ZEB2: variants seen among roughly 807,000 people sequenced by gnomAD.
ZEB2 encodes the protein zinc finger E-box-binding homeobox 2.
Under a neutral mutation model 99.9 loss-of-function variants are expected in ZEB2, and 6 were observed. The observed-to-expected ratio is 0.06, with a 90% CI of 0.03 to 0.12. The LOEUF (loss-of-function observed/expected upper bound fraction) is 0.12, where lower values mean the gene tolerates loss of function less well. ZEB2 is among the 10% of genes least tolerant of loss of function. The pLI, the probability that ZEB2 is intolerant of heterozygous loss-of-function variation, is 1.00. For missense variants in ZEB2, 969 were observed against 1,502.8 expected, an observed-to-expected ratio of 0.64 and a Z score of 5.87; for synonymous variants, 517 against 542.5, an observed-to-expected ratio of 0.95 and a Z score of 0.65.
rs755817856 is a variant in ZEB2, at chr2:144,405,020, C to G, written c.408G>C (p.Lys136Asn). ...CAAAATCTGATGTGCAATTTGCATT[C>G]TTCACTGAAATCATAAAAGGAGAAG... is the stretch of plus-strand genomic sequence containing the variant. ...IQTAINNGTV[K>N]NANCTSDFEE... The change falls in exon 5 of 10, where the codon AAG becomes AAC. Residue 136 changes from lysine (K) to asparagine (N), a missense_variant. This residue lies in a region of ZEB2 where 173 missense variants were observed against 217.7 expected (regional missense o/e 0.79). Transcript: ENST00000627532. 3 of 1,613,672 alleles carry G rather than the reference C, an allele frequency of 1.9e-6. No individual in the cohort carries two copies. The highest frequency in any genetic ancestry group is 2.5e-6 in the Non-Finnish European group (3 of 1,180,018).
At chr2:144,412,701 A>C (rs1426373919) in intron 4 of ZEB2, among the ~76,000 whole-genome samples, 1 of 152,216 alleles carries the variant, frequency 6.6e-6, no homozygotes, top group African/African-American at 2.4e-5. Flanking sequence ...TTTTGGAGAG[A>C]AGCACAATTG....
intron 2 of ZEB2, among the ~76,000 whole-genome samples, chr2:144,477,195 G>A (rs1704442314): frequency 1.3e-5 from 2 of 152,174 alleles, no homozygotes; most frequent in Admixed American, 1.3e-4. Context: ...AGGCTGAAAA[G>A]TGCATGCAAA....
At chr2:144,398,241 A>T in intron 8 of ZEB2, 60 bp downstream of exon 8, 8 of 1,602,562 alleles carry the variant, frequency 5.0e-6, no homozygotes, top group Non-Finnish European at 6.8e-6. Flanking sequence ...TCCTACATGC[A>T]CATAATCAAA....
At chr2:144,393,881 T>C (rs1041988023) in intron 9 of ZEB2, among the ~76,000 whole-genome samples, 5 of 152,204 alleles carry the variant, frequency 3.3e-5, no homozygotes, top group African/African-American at 1.2e-4. Flanking sequence ...AGGAGCAGAA[T>C]AGTTTATTTT....
intron 2 of ZEB2, among the ~76,000 whole-genome samples, chr2:144,489,856 T>C (rs1389893499): frequency 1.3e-5 from 2 of 152,216 alleles, no homozygotes; most frequent in African/African-American, 4.8e-5. Flanking sequence ...TCGAACCATT[T>C]TGATTTGGTG....
At chr2:144,459,244 T>C (rs1193143914) in intron 2 of ZEB2, among the ~76,000 whole-genome samples, 1 of 152,170 alleles carries the variant, frequency 6.6e-6, no homozygotes, top group African/African-American at 2.4e-5. Flanking sequence ...GTTATATAAA[T>C]GTGTATATCT....
At chr2:144,454,650 G>A (rs562099248) in intron 2 of ZEB2, among the ~76,000 whole-genome samples, 166 of 152,196 alleles carry the variant, frequency 1.1e-3, no homozygotes, top group African/African-American at 3.8e-3. Context: ...GATTAATATT[G>A]CAGTTCAAAC....
At chr2:144,448,994 G>T (rs1251729090) in intron 2 of ZEB2, 1 of 152,144 alleles carries the variant, frequency 6.6e-6, no homozygotes, top group Non-Finnish European at 1.5e-5. Flanking sequence ...TTTTTGTCAG[G>T]CAGTTTAAGA....
At chr2:144,458,353 C>A (rs546902469) in intron 2 of ZEB2, among the ~76,000 whole-genome samples, 1 of 152,240 alleles carries the variant, frequency 6.6e-6, no homozygotes, top group South Asian at 2.1e-4. Flanking sequence ...AAATGCCCCC[C>A]AGTCTTTAGG....
At chr2:144,447,067 C>A (rs963047049) in intron 2 of ZEB2, among the ~76,000 whole-genome samples, 4 of 149,428 alleles carry the variant, frequency 2.7e-5, no homozygotes, top group Admixed American at 1.3e-4. Context: ...TTTCAGTCAA[C>A]TGATTTTAAA....
intron 2 of ZEB2, among the ~76,000 whole-genome samples, chr2:144,491,107 G>A (rs548545494): frequency 5.3e-5 from 8 of 152,346 alleles, no homozygotes; most frequent in East Asian, 1.9e-4. Flanking sequence ...AGTGATGTGC[G>A]GATATTGGCA....
At chr2:144,515,817 GAGA>G (rs889004067) in intron 2 of ZEB2, 2 of 151,576 alleles carry the variant, frequency 1.3e-5, no homozygotes, top group Non-Finnish European at 1.5e-5. Context: ...GAGAGAGAGA[GAGA>G]AAAGCATCAT....
At chr2:144,454,615 G>T (rs564579158) in intron 2 of ZEB2, among the ~76,000 whole-genome samples, 173 of 152,276 alleles carry the variant, frequency 1.1e-3, no homozygotes, top group African/African-American at 3.6e-3. Flanking sequence ...TGAAAACCAT[G>T]CTCAGTGAGT....
At position 144,411,121 on chromosome 2, in the gene ZEB2, T is replaced by TACACACACACAC. The variant is rs10666828; in HGVS notation, c.404-6098_404-6097insGTGTGTGTGTGT. On this transcript the variant is annotated intron_variant, in intron 4 of 9. Transcript: ENST00000627532. ...TATATGTATAATAGGGCATCTCATA[T>TACACACACACAC]ATACACACACACACACACACACACA... 2.8e-5 allele frequency among the ~76,000 whole-genome samples: 3 copies of TACACACACACAC among 106,660 alleles called. No individual in the cohort carries two copies. The South Asian group carries it at 1.0e-3, about 37-fold the overall frequency. 70.0% of individuals were successfully genotyped at this position (106,660 alleles called of 152,430 possible). A position where few individuals can be genotyped will look rare whatever the true frequency, so the allele number is the denominator to read the frequency against.
chr2:144,454,811 C>T (rs1560631102), intron 2 of ZEB2, among the ~76,000 whole-genome samples: 1 of 152,040 alleles, frequency 6.6e-6, no homozygotes, highest in Non-Finnish European at 1.5e-5. Flanking sequence ...GGAGAGAATC[C>T]ATGAAATGAT....
intron 2 of ZEB2, among the ~76,000 whole-genome samples, chr2:144,456,367 A>G (rs906261596): frequency 2.0e-5 from 3 of 152,208 alleles, no homozygotes; most frequent in African/African-American, 7.2e-5. Flanking sequence ...GTAAGCAGAC[A>G]ATTCGATGAT....
At chr2:144,470,691 G>A (rs905698257) in intron 2 of ZEB2, among the ~76,000 whole-genome samples, 7 of 152,072 alleles carry the variant, frequency 4.6e-5, no homozygotes, top group African/African-American at 1.7e-4. Flanking sequence ...CTATCTAGAA[G>A]CCATAAGTTG....
chr2:144,514,058 G>C, intron 2 of ZEB2: 4 of 564,192 alleles, frequency 7.1e-6, no homozygotes, highest in Non-Finnish European at 1.1e-5. Flanking sequence ...TGGGGGAAAG[G>C]AGACTGACTG....
rs1703110041 is a variant in ZEB2 at position 144,388,306 on chromosome 2, A to G, written c.*1145T>C. 2.0e-5 allele frequency: 3 copies of G among 152,600 alleles called. No individual in the cohort carries two copies. The highest frequency in any genetic ancestry group is 2.0e-4 in the Admixed American group (3 of 15,284). The allele number at this position is 152,600 out of a possible 1,614,324, so 9.5% of individuals were successfully genotyped here. On this transcript the variant is annotated 3_prime_UTR_variant, in exon 10 of 10. Transcript: ENST00000627532. The surrounding 1 kb of genome is among the most constrained non-coding windows in gnomAD (Gnocchi z 5.4). ...TAAAATTGAAAAATCCCATCTCACA[A>G]TTAATGTTCCAAAACACAATAAATG...
Sources: gnomAD v4.1 joint callset for allele counts (sites outside exome capture counted in the v4.1 genomes callset) on GRCh38, gnomAD v4.1.1 for gene constraint, gnomAD v4.1.1 regional missense constraint, Gnocchi (gnomAD v3.1) non-coding constraint, MANE v1.5 for transcripts, NCBI Gene and HGNC (gene_info 2026-07-23, HGNC 2026-07-21) for gene names.